Variants in INPP5A observed in about 807,000 individuals in gnomAD.
INPP5A encodes inositol polyphosphate-5-phosphatase A.
INPP5A carries 14 observed loss-of-function variants against 65.2 expected under a neutral mutation model. That is an observed-to-expected ratio of 0.21 (90% CI 0.14 to 0.34). The LOEUF is 0.34. Ranked by LOEUF, INPP5A falls within the 10% of genes least tolerant of loss-of-function variation. INPP5A has a pLI of 1.00. For synonymous variants in INPP5A, 207 were observed against 208.3 expected, an observed-to-expected ratio of 0.99 and a Z score of 0.05; for missense variants, 431 against 545.6, an observed-to-expected ratio of 0.79 and a Z score of 2.09.
At chr10:132,573,027 C>T (rs1309202430) in intron 1 of INPP5A, among the ~76,000 whole-genome samples, 207 of 74,342 alleles carry the variant, frequency 2.8e-3, no homozygotes, top group Non-Finnish European at 3.8e-3. Context: ...GGTTTTGTTG[C>T]GATGTTGGGG....
chr10:132,779,139 G>A (rs1051804186), intron 13 of INPP5A, among the ~76,000 whole-genome samples: 3 of 152,262 alleles, frequency 2.0e-5, no homozygotes, highest in African/African-American at 7.2e-5. Context: ...CCTCTGGCCT[G>A]TGGGCAGGGC....
At chr10:132,633,829 G>A (rs929821224) in intron 2 of INPP5A, among the ~76,000 whole-genome samples, 17 of 152,194 alleles carry the variant, frequency 1.1e-4, no homozygotes, top group African/African-American at 3.4e-4. Context: ...CAGTGAGCAC[G>A]TTCAGCAAAC....
chr10:132,631,724 C>T (rs902081529), intron 2 of INPP5A, among the ~76,000 whole-genome samples: 11 of 152,358 alleles, frequency 7.2e-5, no homozygotes, highest in African/African-American at 2.6e-4. Context: ...GCGGCAGAAG[C>T]AGGGTGCTGC....
chr10:132,574,617 T>G (rs906733561), intron 1 of INPP5A, among the ~76,000 whole-genome samples: 2 of 144,718 alleles, frequency 1.4e-5, no homozygotes, highest in Non-Finnish European at 3.0e-5. Context: ...TTTTCTTTTT[T>G]TTTTAATTTT....
rs564224012 is a variant in INPP5A, at chr10:132,603,407, C to T, written c.76-4508C>T. Among the ~76,000 whole-genome samples the T allele has an allele frequency of 5.9e-5, 9 of 152,264 alleles. No homozygotes were observed. Among genetic ancestry groups the T allele is most frequent in the South Asian group, 2.1e-4 (1 of 4,824 alleles). On this transcript the variant is annotated intron_variant, in intron 1 of 15. Transcript: ENST00000368594. This position sits in a 1 kb window ranked among gnomAD's most constrained non-coding sequence, Gnocchi z 4.2. ...ACTACCCAGAAAGAACGCTTGTCCA[C>T]GTGGAATAAACGTCATCCCAGTCTG...
intron 1 of INPP5A, among the ~76,000 whole-genome samples, chr10:132,574,355 G>A (rs943616308): frequency 2.0e-5 from 3 of 148,138 alleles, no homozygotes; most frequent in Non-Finnish European, 4.5e-5. Flanking sequence ...ATGTTGGGAT[G>A]TGCGTGCCGT....
rs543340804 is a variant in INPP5A at position 132,712,097 on chromosome 10, C to T, written c.647+1641C>T. 2.0e-5 allele frequency among the ~76,000 whole-genome samples: 3 copies of T among 152,356 alleles called. No individual in the cohort carries two copies. The East Asian group carries it at 5.8e-4, about 29-fold the overall frequency. ...CACATTTCTACCCAAGACCCACGTCCTGAGGGGTCCCTAAGGCAGGTGGGG... is the reference window on the plus strand; with the variant it reads ...CACATTTCTACCCAAGACCCACGTCTTGAGGGGTCCCTAAGGCAGGTGGGG... On this transcript the variant is annotated intron_variant, in intron 8 of 15. Coordinates refer to ENST00000368594, the MANE Select transcript of INPP5A (RefSeq NM_005539.5).
chr10:132,573,777 C>T (rs71481923), intron 1 of INPP5A, among the ~76,000 whole-genome samples: 50 of 56,202 alleles, frequency 8.9e-4, no homozygotes, highest in Admixed American at 1.3e-3. Context: ...GTGTGTGTGC[C>T]GTGTGAGGTT....
chr10:132,643,820 C>T (rs922447326), intron 2 of INPP5A, among the ~76,000 whole-genome samples: 1 of 152,106 alleles, frequency 6.6e-6, no homozygotes, highest in Admixed American at 6.5e-5. Flanking sequence ...TGGGTCCTGG[C>T]GCCCTGTGAG....
chr10:132,736,001 C>T (rs1201944700), intron 9 of INPP5A, among the ~76,000 whole-genome samples: 2 of 152,232 alleles, frequency 1.3e-5, no homozygotes, highest in Non-Finnish European at 2.9e-5. Flanking sequence ...CAGGAATGCG[C>T]AGCCTCCTGT....
intron 4 of INPP5A, among the ~76,000 whole-genome samples, chr10:132,669,512 C>T (rs1373634665): frequency 6.6e-6 from 1 of 152,174 alleles, no homozygotes; most frequent in Non-Finnish European, 1.5e-5. Context: ...AGGGCAGAAA[C>T]AGCTGCTCGA....
chr10:132,781,979 T>C (rs1292155904), intron 15 of INPP5A, 31 bp downstream of exon 15: 6 of 1,612,638 alleles, frequency 3.7e-6, no homozygotes, highest in Non-Finnish European at 5.1e-6. Context: ...CAGTTCAGCT[T>C]TTACGCAGCT....
intron 1 of INPP5A, among the ~76,000 whole-genome samples, chr10:132,544,997 C>T (rs1052030820): frequency 6.6e-6 from 1 of 152,158 alleles, no homozygotes; most frequent in African/African-American, 2.4e-5. Context: ...GCACCCAGAT[C>T]GACCTGTCGG....
At chr10:132,667,689 T>C (rs2072824761) in intron 4 of INPP5A, among the ~76,000 whole-genome samples, 1 of 152,224 alleles carries the variant, frequency 6.6e-6, no homozygotes, top group Non-Finnish European at 1.5e-5. Flanking sequence ...TTTACACTGA[T>C]ATAGTATTGA....
At chr10:132,662,931 C>T (rs759771066) in intron 4 of INPP5A, among the ~76,000 whole-genome samples, 1 of 152,312 alleles carries the variant, frequency 6.6e-6, no homozygotes, top group Non-Finnish European at 1.5e-5. Context: ...TCCAGTTACA[C>T]GTCACATGGG....
intron 1 of INPP5A, among the ~76,000 whole-genome samples, chr10:132,597,318 A>T (rs1036945713): frequency 2.0e-5 from 3 of 152,202 alleles, no homozygotes; most frequent in Admixed American, 6.5e-5. Flanking sequence ...AAGATGTGTC[A>T]GGGTGTCTGG....
At chr10:132,578,810 G>A (rs895890121) in intron 1 of INPP5A, among the ~76,000 whole-genome samples, 1 of 151,988 alleles carries the variant, frequency 6.6e-6, no homozygotes, top group South Asian at 2.1e-4. Context: ...TCGACGGTGG[G>A]CAGCCCCAGG....
At chr10:132,748,311 C>G (rs1051929201) in intron 9 of INPP5A, among the ~76,000 whole-genome samples, 1 of 152,194 alleles carries the variant, frequency 6.6e-6, no homozygotes, top group Non-Finnish European at 1.5e-5. Flanking sequence ...CTCCTCCACC[C>G]ACACCAGCGA....
intron 1 of INPP5A, among the ~76,000 whole-genome samples, chr10:132,588,308 A>C (rs988214911): frequency 3.3e-5 from 5 of 152,210 alleles, no homozygotes. Context: ...ATTCTGAGAG[A>C]AAACTGAATT....
Sources: allele counts gnomAD v4.1 joint callset (sites outside exome capture counted in the v4.1 genomes callset), GRCh38; gene constraint gnomAD v4.1.1; non-coding constraint Gnocchi (gnomAD v3.1); transcripts MANE v1.5; gene names NCBI Gene and HGNC (gene_info 2026-07-23, HGNC 2026-07-21).